Variants in SIGLEC6 observed in about 807,000 individuals in gnomAD.
The protein encoded by SIGLEC6 is sialic acid binding Ig like lectin 6.
SIGLEC6 carries 31 observed loss-of-function variants against 41.4 expected under a neutral mutation model. The ratio of observed to expected loss-of-function variants is 0.75; its 90% confidence interval spans 0.56 to 1.01. The LOEUF (loss-of-function observed/expected upper bound fraction) is 1.01. Ranked by LOEUF, SIGLEC6 falls within the 50% of genes least tolerant of loss-of-function variation. The probability of loss-of-function intolerance (pLI) is 0.00; values close to 1 mark genes in which losing one functional copy is unlikely to be tolerated. For synonymous variants in SIGLEC6, 217 were observed against 231.0 expected, an observed-to-expected ratio of 0.94 and a Z score of 0.55; for missense variants, 555 against 558.6, an observed-to-expected ratio of 0.99 and a Z score of 0.06.
rs570982467 is a variant in SIGLEC6, at chr19:51,530,337, G to A, written c.754+100C>T. 26 of 1,089,330 alleles carry A rather than the reference G, an allele frequency of 2.4e-5. No homozygotes were observed. In the Admixed American group the frequency reaches 3.8e-4, roughly 16 times the overall value. 67.5% of individuals were successfully genotyped at this position (1,089,330 alleles called of 1,614,324 possible). ...CAAAGATTCAGTCCAGGTCTTTGAA[G>A]TCTATGGAGGCCTTAGTCCTGGCTT... On this transcript the variant is annotated intron_variant, in intron 4 of 7. Coordinates refer to ENST00000425629, the MANE Select transcript of SIGLEC6 (RefSeq NM_001245.7).
rs760520426 is a variant in SIGLEC6, at chr19:51,531,595, G to A, written c.54C>T (p.Pro18=). 5 of 1,613,702 alleles carry A rather than the reference G, an allele frequency of 3.1e-6. No individual in the cohort carries two copies. The Admixed American group carries it at 5.0e-5, about 16-fold the overall frequency. The change falls in exon 1 of 8, where the codon CCC becomes CCT. Residue 18 remains proline, a synonymous_variant. Transcript: ENST00000425629. ...SASEMLPLLL[P]LLWAGALAQE... is the part of the protein sequence containing the mutation. ...TGGCCCACTCACCTGCCCACAGCAG[G>A]GGCAGCAGCAGCGGTAGCATCTCTG... is the stretch of plus-strand genomic sequence containing the variant.
At chr19:51,529,553 C>G (rs1670752716) in intron 5 of SIGLEC6, 171 bp downstream of exon 5, 1 of 755,706 alleles carries the variant, frequency 1.3e-6, no homozygotes, top group Non-Finnish European at 2.1e-6. Context: ...GCTGCCAGTG[C>G]AGGGAGGAGC....
chr19:51,527,199 G>C (rs1979377269), intron 7 of SIGLEC6, among the ~76,000 whole-genome samples: 1 of 152,088 alleles, frequency 6.6e-6, no homozygotes, highest in Admixed American at 6.5e-5. Context: ...AGAGAACCTT[G>C]GTAAGATAAT....
intron 7 of SIGLEC6, among the ~76,000 whole-genome samples, chr19:51,526,122 C>A (rs374666276): frequency 6.6e-6 from 1 of 152,146 alleles, no homozygotes; most frequent in Non-Finnish European, 1.5e-5. Flanking sequence ...TAGGATGAAG[C>A]CCCAAGAGAC....
Position 51,520,007 on chromosome 19 carries a change from G to T in SIGLEC6, c.*75C>A. 2 of 1,271,204 alleles carry T rather than the reference G, an allele frequency of 1.6e-6. No homozygotes were observed. Among genetic ancestry groups the T allele is most frequent in the Middle Eastern group, 2.0e-4 (1 of 4,996 alleles). The allele number at this position is 1,271,204 out of a possible 1,614,324, so 78.7% of individuals were successfully genotyped here. A position where few individuals can be genotyped will look rare whatever the true frequency, so the allele number is the denominator to read the frequency against. On this transcript the variant is annotated 3_prime_UTR_variant, in exon 8 of 8. Coordinates refer to ENST00000425629, the MANE Select transcript of SIGLEC6 (RefSeq NM_001245.7). Reference sequence around the variant, plus strand: ...GTCACTCGGTTTGTGGTACATTGCTGTGGCAGCCCTAGTAACCAATACACT... The same window carrying T: ...GTCACTCGGTTTGTGGTACATTGCTTTGGCAGCCCTAGTAACCAATACACT...
chr19:51,520,670 C>A (rs1445080363), intron 7 of SIGLEC6, among the ~76,000 whole-genome samples: 1 of 152,202 alleles, frequency 6.6e-6, no homozygotes, highest in Non-Finnish European at 1.5e-5. Context: ...GCCACCACAT[C>A]CACCGCATTC....
At chr19:51,520,807 G>A (rs995611439) in intron 7 of SIGLEC6, among the ~76,000 whole-genome samples, 4 of 152,018 alleles carry the variant, frequency 2.6e-5, no homozygotes, top group Non-Finnish European at 2.9e-5. Context: ...TCTTACAAAC[G>A]GGAACACTAA....
At chr19:51,526,235 T>G (rs191037047) in intron 7 of SIGLEC6, among the ~76,000 whole-genome samples, 26 of 152,224 alleles carry the variant, frequency 1.7e-4, no homozygotes, top group African/African-American at 5.8e-4. Flanking sequence ...GGCTGTAGTG[T>G]GCAGCCTGAG....
chr19:51,528,008 C>T (rs1279116573), intron 6 of SIGLEC6, 152 bp downstream of exon 6: 19 of 862,584 alleles, frequency 2.2e-5, no homozygotes, highest in East Asian at 1.3e-4. Context: ...AGCTGGTCAA[C>T]GGGGTAATTC....
At chr19:51,530,518 C>G (rs753656713) in intron 3 of SIGLEC6, 34 bp from the exon 4 acceptor site, 1 of 1,613,830 alleles carries the variant, frequency 6.2e-7, no homozygotes. Context: ...CTCAACATCC[C>G]TGAGGAGGGA....
At chr19:51,529,468 A>T in intron 5 of SIGLEC6, 2 of 512,932 alleles carry the variant, frequency 3.9e-6, no homozygotes, top group East Asian at 7.0e-5. Flanking sequence ...CTGTTGACCA[A>T]GGGTCCGGCT....
At chr19:51,524,328 A>G (rs1446344476) in intron 7 of SIGLEC6, among the ~76,000 whole-genome samples, 1 of 152,262 alleles carries the variant, frequency 6.6e-6, no homozygotes, top group Non-Finnish European at 1.5e-5. Flanking sequence ...TAAGAACACT[A>G]GAGTGGTAAT....
At chr19:51,529,001 C>CAAAAAAAAAAAA (rs3072157) in intron 5 of SIGLEC6, among the ~76,000 whole-genome samples, 4 of 92,806 alleles carry the variant, frequency 4.3e-5, no homozygotes, top group African/African-American at 9.1e-5. Context: ...GACCCTCTCT[C>CAAAAAAAAAAAA]AAAAAAAAAA....
In SIGLEC6 at chr19:51,531,230, G is replaced by A; in HGVS notation, c.357C>T (p.Tyr119=). The change falls in exon 2 of 8, where the codon TAC becomes TAT. Residue 119 remains tyrosine (Y), a synonymous_variant. Coordinates refer to ENST00000425629, the MANE Select transcript of SIGLEC6 (RefSeq NM_001245.7). ...TCCATTTGGACTTCAACCGAAAGAA[G>A]TATGCAGCATTGTCCCTCCTCCGGG... ...RDARRRDNAA[Y]FFRLKSKWMK... is the part of the protein sequence containing the mutation. The A allele has an allele frequency of 6.2e-7, 1 of 1,613,584 alleles. No individual in the cohort carries two copies. The highest frequency in any genetic ancestry group is 8.5e-7 in the Non-Finnish European group (1 of 1,179,674).
rs1032239125 is a variant in SIGLEC6, at chr19:51,529,792, C to T, written c.944G>A (p.Gly315Glu). The T allele has an allele frequency of 5.6e-6, 9 of 1,614,170 alleles. No individual in the cohort carries two copies. Among genetic ancestry groups the T allele is most frequent in the Non-Finnish European group, 7.6e-6 (9 of 1,180,030 alleles). ...ATGCTGAGCACGGCAGGTGAAATCT[C>T]CTTCTTCTGCAGACCCTACTTGAGG... ...ELPQVGSAEEGDFTCRAQHPL... is the reference protein window; with the variant it reads ...ELPQVGSAEEEDFTCRAQHPL... Residue 315 changes from glycine to glutamate, a missense_variant, in exon 5 of 8, where the codon GGA (glycine) becomes GAA (glutamate). Gly to Glu is a moderately conservative substitution (Grantham distance 98). Coordinates refer to ENST00000425629, the MANE Select transcript of SIGLEC6 (RefSeq NM_001245.7).
rs1414293739 is a variant in SIGLEC6, at chr19:51,518,160, C to T, written c.*1922G>A. Among the ~76,000 whole-genome samples, 5 of 152,044 alleles carry T rather than the reference C, an allele frequency of 3.3e-5. No homozygotes were observed. The highest frequency in any genetic ancestry group is 1.2e-4 in the African/African-American group (5 of 41,378). ...TTAACACTCACATATTTTGGTTTTCCTTAAAATATCTATATTTCACTTTCA... is the reference window on the plus strand; with the variant it reads ...TTAACACTCACATATTTTGGTTTTCTTTAAAATATCTATATTTCACTTTCA... On this transcript the variant is annotated 3_prime_UTR_variant, in exon 8 of 8. Coordinates refer to ENST00000425629, the MANE Select transcript of SIGLEC6 (RefSeq NM_001245.7).
At position 51,531,408 on chromosome 19, in the gene SIGLEC6, G is replaced by T; in HGVS notation, c.179C>A (p.Ser60Ter). 6.2e-7 allele frequency: 1 copy of T among 1,614,110 alleles called. No individual in the cohort carries two copies. Among genetic ancestry groups the T allele is most frequent in the Non-Finnish European group, 8.5e-7 (1 of 1,180,002 alleles). Residue 60 changes from serine to a stop codon, truncating the protein, a stop_gained, in exon 2 of 8, where the codon TCG becomes TAG. Transcript: ENST00000425629. LOFTEE classifies it high-confidence loss of function. ...GAACCAGTAGCCATAACCATAGTAC[G>T]AGGCTGGAAGGGTAGTGGGCAATCT... ...PCRLPTTLPA[S>*]YYGYGYWFLE...
At chr19:51,530,602 C>A (rs1235415418) in intron 3 of SIGLEC6, 79 bp downstream of exon 3, 2 of 1,606,864 alleles carry the variant, frequency 1.2e-6, no homozygotes, top group South Asian at 2.2e-5. Flanking sequence ...CAACCAGGTC[C>A]CCAACTTTAA....
chr19:51,527,645 A>C (rs1979460110), intron 7 of SIGLEC6, 102 bp downstream of exon 7: 1 of 896,100 alleles, frequency 1.1e-6, no homozygotes, highest in Non-Finnish European at 1.8e-6. Flanking sequence ...GTGGAACCGC[A>C]GGGAATGTCA....
Sources: allele counts gnomAD v4.1 joint callset (sites outside exome capture counted in the v4.1 genomes callset), GRCh38; gene constraint gnomAD v4.1.1; transcripts MANE v1.5; gene names NCBI Gene and HGNC (gene_info 2026-07-23, HGNC 2026-07-21).